Variants in TNRC18 observed in about 807,000 individuals in gnomAD.
TNRC18 encodes the protein trinucleotide repeat containing 18.
TNRC18 carries 69 observed loss-of-function variants against 226.7 expected under a neutral mutation model. The observed-to-expected ratio is 0.30, with a 90% CI of 0.25 to 0.37. The LOEUF is 0.37. Among genes scored for constraint, TNRC18 ranks in the 10% least tolerant of loss-of-function variants. The probability of loss-of-function intolerance (pLI) is 1.00; values close to 1 mark genes in which losing one functional copy is unlikely to be tolerated. For missense variants in TNRC18, 4,754 were observed against 4,256.6 expected, an observed-to-expected ratio of 1.12 and a Z score of -3.25; for synonymous variants, 2,449 against 1,927.6, an observed-to-expected ratio of 1.27 and a Z score of -7.09.
Position 5,389,244 on chromosome 7 carries a change from C to G in TNRC18, c.580G>C (p.Ala194Pro), listed in dbSNP as rs780633103. The G allele has an allele frequency of 7.5e-7, 1 of 1,324,968 alleles. No homozygotes were observed. Among genetic ancestry groups the G allele is most frequent in the South Asian group, 1.9e-5 (1 of 51,602 alleles). The allele number at this position is 1,324,968 out of a possible 1,614,324, so 82.1% of individuals were successfully genotyped here. A position where few individuals can be genotyped will look rare whatever the true frequency, so the allele number is the denominator to read the frequency against. Reference sequence around the variant, plus strand: ...CGCGACGACGAGCCTTTGGCCGGGGCGCCCGAGGAGTGGCCGCCGCCAGGG... The same window carrying G: ...CGCGACGACGAGCCTTTGGCCGGGGGGCCCGAGGAGTGGCCGCCGCCAGGG... ...RTPGGGHSSG[A>P]PAKGSSSRDG... The change falls in exon 5 of 30, where the codon GCC becomes CCC. Residue 194 changes from alanine (A) to proline (P), a missense_variant. Ala to Pro is a conservative substitution (Grantham distance 27). Transcript: ENST00000430969.
chr7:5,375,916 G>T, intron 9 of TNRC18, 118 bp downstream of exon 9: 1 of 1,026,284 alleles, frequency 9.7e-7, no homozygotes, highest in Non-Finnish European at 1.4e-6. Flanking sequence ...CTGACCACCT[G>T]CCCCTCTGCT....
intron 21 of TNRC18, among the ~76,000 whole-genome samples, chr7:5,323,504 GCCT>G (rs1371711091): frequency 6.7e-6 from 1 of 150,238 alleles, no homozygotes; most frequent in African/African-American, 2.5e-5. Flanking sequence ...GGACAGCACA[GCCT>G]CCTAACTGGA....
At chr7:5,391,446 G>C (rs1046420694) in intron 3 of TNRC18, among the ~76,000 whole-genome samples, 1 of 151,720 alleles carries the variant, frequency 6.6e-6, no homozygotes, top group Non-Finnish European at 1.5e-5. Context: ...TGAGGAGCTG[G>C]GATTACAGGC....
At chr7:5,322,623 T>C (rs1788493114) in intron 21 of TNRC18, among the ~76,000 whole-genome samples, 1 of 152,216 alleles carries the variant, frequency 6.6e-6, no homozygotes, top group South Asian at 2.1e-4. Flanking sequence ...ACTTTTTCTT[T>C]CTGGCGGAAA....
intron 24 of TNRC18, among the ~76,000 whole-genome samples, chr7:5,317,840 G>A (rs1290224643): frequency 1.3e-5 from 2 of 151,624 alleles, no homozygotes; most frequent in African/African-American, 2.4e-5. Flanking sequence ...CAAGTAGCTA[G>A]GACAACAGGT....
At position 5,388,822 on chromosome 7, in the gene TNRC18, C is replaced by T; in HGVS notation, c.1002G>A (p.Pro334=). ...TGGGGGGCGCGGGCGGCGGGGGCAG[C>T]GGTGAGGGGCAGGGGCGCGGCCCAG... ...LLPGPRPCPS[P]LPPPPAPPKG... is the part of the protein sequence containing the mutation. Residue 334 remains proline (P), a synonymous_variant, in exon 5 of 30, where the codon CCG becomes CCA. Transcript: ENST00000430969. 3 of 1,186,430 alleles carry T rather than the reference C, an allele frequency of 2.5e-6. No homozygotes were observed. Among genetic ancestry groups the T allele is most frequent in the Non-Finnish European group, 3.1e-6 (3 of 957,904 alleles). 73.5% of individuals were successfully genotyped at this position (1,186,430 alleles called of 1,614,324 possible). A position where few individuals can be genotyped will look rare whatever the true frequency, so the allele number is the denominator to read the frequency against.
intron 18 of TNRC18, among the ~76,000 whole-genome samples, chr7:5,344,878 A>G (rs999549613): frequency 2.6e-5 from 4 of 152,154 alleles, no homozygotes; most frequent in Admixed American, 6.5e-5. Context: ...TGATGCAGGG[A>G]AACAGTCAGA....
intron 19 of TNRC18, among the ~76,000 whole-genome samples, chr7:5,329,079 G>A (rs1449838228): frequency 1.3e-5 from 2 of 151,920 alleles, no homozygotes; most frequent in Admixed American, 6.6e-5. Flanking sequence ...GAGGTGGGCC[G>A]ATCACCTGAG....
At chr7:5,398,788 TTTTC>T (rs1442423800) in intron 2 of TNRC18, among the ~76,000 whole-genome samples, 1 of 149,928 alleles carries the variant, frequency 6.7e-6, no homozygotes, top group Non-Finnish European at 1.5e-5. Flanking sequence ...CCACTAATTT[TTTTC>T]TTTCTCTTTT....
At position 5,351,929 on chromosome 7, in the gene TNRC18, G is replaced by A; in HGVS notation, c.5360C>T (p.Thr1787Ile). ...GCTGGTGGCCGGCTTGGGTTTCAGA[G>A]TCCGGGGGGCCGCCAGGCCCCTCTT... is the stretch of plus-strand genomic sequence containing the variant. ...LTKRGLAAPR[T>I]LKPKPATSRK... Residue 1787 changes from threonine (T) to isoleucine (I), a missense_variant, in exon 17 of 30, where the codon ACT becomes ATT. Coordinates refer to ENST00000430969, the MANE Select transcript of TNRC18 (RefSeq NM_001080495.3). The A allele has an allele frequency of 1.2e-6, 2 of 1,613,776 alleles. No individual in the cohort carries two copies. Among genetic ancestry groups the A allele is most frequent in the African/African-American group, 1.3e-5 (1 of 75,056 alleles).
chr7:5,349,849 A>T (rs1024809381), intron 17 of TNRC18, among the ~76,000 whole-genome samples: 1 of 152,168 alleles, frequency 6.6e-6, no homozygotes, highest in Non-Finnish European at 1.5e-5. Context: ...CTATTACCCA[A>T]ATATCCCTTT....
intron 24 of TNRC18, among the ~76,000 whole-genome samples, chr7:5,317,268 G>T (rs1213278226): frequency 6.6e-6 from 1 of 152,002 alleles, no homozygotes; most frequent in African/African-American, 2.4e-5. Flanking sequence ...GAAGGAGGGG[G>T]GACCGGGAAG....
At chr7:5,340,844 G>C (rs573105147) in intron 18 of TNRC18, among the ~76,000 whole-genome samples, 1 of 152,134 alleles carries the variant, frequency 6.6e-6, no homozygotes, top group African/African-American at 2.4e-5. Flanking sequence ...GAGTTCTCCA[G>C]AAGATCCAGC....
At position 5,307,542 on chromosome 7, in the gene TNRC18, C is replaced by G. The variant is rs1365482903; in HGVS notation, c.*564G>C. 2.2e-6 allele frequency: 1 copy of G among 450,456 alleles called. No homozygotes were observed. The highest frequency in any genetic ancestry group is 2.0e-5 in the African/African-American group (1 of 49,944). The allele number at this position is 450,456 out of a possible 1,614,324, so 27.9% of individuals were successfully genotyped here. The stretch of plus-strand genomic sequence containing the variant: ...CTCCGGGCTGCAACCCCACCCGGCT[C>G]TGTTCCCCAAGTCTAGGCCATCCTG... On this transcript the variant is annotated 3_prime_UTR_variant, in exon 30 of 30. Transcript: ENST00000430969.
intron 26 of TNRC18, 80 bp downstream of exon 26, chr7:5,314,904 C>A (rs891251170): frequency 1.4e-6 from 2 of 1,436,532 alleles, no homozygotes; most frequent in South Asian, 2.7e-5. Context: ...GCAGGCACTT[C>A]GGCAGGTTCC....
At position 5,324,109 on chromosome 7, in the gene TNRC18, C is replaced by T; in HGVS notation, c.6442+105G>A. 7.7e-7 allele frequency: 1 copy of T among 1,298,466 alleles called. No individual in the cohort carries two copies. The highest frequency in any genetic ancestry group is 1.0e-6 in the Non-Finnish European group (1 of 960,912). 80.4% of individuals were successfully genotyped at this position (1,298,466 alleles called of 1,614,324 possible). A position where few individuals can be genotyped will look rare whatever the true frequency, so the allele number is the denominator to read the frequency against. On this transcript the variant is annotated intron_variant, in intron 21 of 29. Coordinates refer to ENST00000430969, the MANE Select transcript of TNRC18 (RefSeq NM_001080495.3). This position sits in a 1 kb window ranked among gnomAD's most constrained non-coding sequence, Gnocchi z 4.8. ...GATCTCTGCTCCTGTGGTTCCCTGC[C>T]CCCAGCTAGCCCAGCCCTTCAGTCT... is the stretch of plus-strand genomic sequence containing the variant.
chr7:5,373,542 G>T (rs534961087), intron 10 of TNRC18, among the ~76,000 whole-genome samples: 288 of 152,242 alleles, frequency 1.9e-3, no homozygotes, highest in Non-Finnish European at 2.9e-3. Flanking sequence ...ATCTGAAGTT[G>T]AACCAAAGTC....
chr7:5,365,724 G>A (rs1793545970), intron 11 of TNRC18, among the ~76,000 whole-genome samples: 1 of 152,052 alleles, frequency 6.6e-6, no homozygotes, highest in Non-Finnish European at 1.5e-5. Context: ...AAAGTACTGG[G>A]ATTGCAGACG....
chr7:5,378,433 T>C (rs1779164110), intron 5 of TNRC18, among the ~76,000 whole-genome samples: 1 of 151,640 alleles, frequency 6.6e-6, no homozygotes, highest in South Asian at 2.1e-4. Flanking sequence ...TATTTTTTTT[T>C]TTTGAGATGG....
Sources: allele counts gnomAD v4.1 joint callset (sites outside exome capture counted in the v4.1 genomes callset), GRCh38; gene constraint gnomAD v4.1.1; non-coding constraint Gnocchi (gnomAD v3.1); transcripts MANE v1.5; gene names NCBI Gene and HGNC (gene_info 2026-07-23, HGNC 2026-07-21).